The following PADI1 variants were observed in gnomAD, a reference collection of about 807,000 sequenced individuals.
PADI1 encodes the protein peptidyl arginine deiminase 1, also known as protein-arginine deiminase type-1.
Under a neutral mutation model 74.8 loss-of-function variants are expected in PADI1, and 65 were observed. That is an observed-to-expected ratio of 0.87 (90% CI 0.71 to 1.07). The LOEUF is 1.07. Among genes scored for constraint, PADI1 ranks in the 50% least tolerant of loss-of-function variants. PADI1 has a pLI of 0.00. For missense variants in PADI1, 943 were observed against 854.0 expected (o/e 1.10, Z -1.30); for synonymous variants, 371 against 336.2 (o/e 1.10, Z -1.13).
chr1:17,229,377 C>T (rs2072422104), intron 8 of PADI1, among the ~76,000 whole-genome samples: 1 of 152,210 alleles, frequency 6.6e-6, no homozygotes, highest in African/African-American at 2.4e-5. Flanking sequence ...CTGCTGGTGG[C>T]CATCGGAGAC....
At chr1:17,232,754 C>G (rs2072523112) in intron 10 of PADI1, 65 bp from the exon 11 acceptor site, 1 of 1,450,878 alleles carries the variant, frequency 6.9e-7, no homozygotes, top group African/African-American at 1.4e-5. Flanking sequence ...ACTCCAAGAA[C>G]TGCCTCGTCC....
chr1:17,224,615 G>A (rs991122597), intron 4 of PADI1, among the ~76,000 whole-genome samples, 187 bp downstream of exon 4: 3 of 152,136 alleles, frequency 2.0e-5, no homozygotes, highest in Admixed American at 6.5e-5. Flanking sequence ...CCCTGTAACC[G>A]ACATGCTGTG....
rs1362096341 is a variant in PADI1 at position 17,230,685 on chromosome 1, T to A, written c.1161+6T>A. The A allele has an allele frequency of 6.6e-7, 1 of 1,524,780 alleles. No homozygotes were observed. Among genetic ancestry groups the A allele is most frequent in the Admixed American group, 1.7e-5 (1 of 58,470 alleles). The allele number at this position is 1,524,780 out of a possible 1,614,324, so 94.5% of individuals were successfully genotyped here. On this transcript the variant is annotated splice_donor_region_variant and intron_variant, in intron 10 of 15. Coordinates refer to ENST00000375471, the MANE Select transcript of PADI1 (RefSeq NM_013358.3). Reference sequence around the variant, plus strand: ...TCCCCTATAAGAGGATCCTGGTACGTAGCGACAGGTAGAGTGCAGAAACCC... The same window carrying A: ...TCCCCTATAAGAGGATCCTGGTACGAAGCGACAGGTAGAGTGCAGAAACCC...
intron 2 of PADI1, 144 bp downstream of exon 2, chr1:17,222,614 T>C (rs1372293793): frequency 6.1e-6 from 4 of 659,150 alleles, no homozygotes; most frequent in Non-Finnish European, 8.0e-6. Flanking sequence ...ACAAAACGTA[T>C]CCTGATACAA....
intron 1 of PADI1, among the ~76,000 whole-genome samples, chr1:17,215,981 A>G (rs570500391): frequency 1.6e-4 from 24 of 152,308 alleles, no homozygotes; most frequent in African/African-American, 5.8e-4. Context: ...ACAGGCAAGA[A>G]GGGTACATCA....
At chr1:17,225,125 T>G (rs1036026205) in intron 4 of PADI1, among the ~76,000 whole-genome samples, 1 of 152,132 alleles carries the variant, frequency 6.6e-6, no homozygotes, top group Non-Finnish European at 1.5e-5. Flanking sequence ...AAGAGTGCCA[T>G]AAAGGCTAAC....
chr1:17,232,497 T>C (rs2072515359), intron 10 of PADI1, among the ~76,000 whole-genome samples: 1 of 152,244 alleles, frequency 6.6e-6, no homozygotes, highest in South Asian at 2.1e-4. Context: ...AGACAGCAGA[T>C]TTTTATGAAT....
rs1227873294 is a variant in PADI1 at position 17,225,896 on chromosome 1, A to T, written c.494A>T (p.Asp165Val). ...DRDNHRSAEP[D>V]LTHSWLMSLA... ...GACAATCACAGGTCCGCAGAGCCTGACCTCACCCACAGCTGGCTGATGTCG... is the reference window on the plus strand; with the variant it reads ...GACAATCACAGGTCCGCAGAGCCTGTCCTCACCCACAGCTGGCTGATGTCG... The change falls in exon 5 of 16, where the codon GAC (aspartate) becomes GTC (valine). Residue 165 changes from aspartate (D) to valine (V), a missense_variant. Asp to Val is a radical substitution (Grantham distance 152). Transcript: ENST00000375471. The T allele has an allele frequency of 6.2e-7, 1 of 1,613,998 alleles. No individual in the cohort carries two copies. The highest frequency in any genetic ancestry group is 1.1e-5 in the South Asian group (1 of 91,072).
At chr1:17,209,129 G>C (rs1395622026) in intron 1 of PADI1, among the ~76,000 whole-genome samples, 7 of 152,234 alleles carry the variant, frequency 4.6e-5, no homozygotes, top group African/African-American at 1.7e-4. Flanking sequence ...TATGTGTAAT[G>C]TGTACATCGA....
intron 1 of PADI1, among the ~76,000 whole-genome samples, chr1:17,215,277 G>A (rs977332965): frequency 6.6e-6 from 1 of 152,192 alleles, no homozygotes; most frequent in East Asian, 1.9e-4. Context: ...GAGCAAGTTT[G>A]GGGTGGGGAG....
At chr1:17,220,052 C>T (rs1021491124) in intron 1 of PADI1, among the ~76,000 whole-genome samples, 7 of 151,866 alleles carry the variant, frequency 4.6e-5, no homozygotes, top group South Asian at 2.1e-4. Context: ...CTGATGTAAA[C>T]GATGAGGAAG....
rs1446792516 is a variant in PADI1, at chr1:17,223,634, A to G, written c.287A>G (p.Tyr96Cys). 1.2e-6 allele frequency: 2 copies of G among 1,613,714 alleles called. No homozygotes were observed. The highest frequency in any genetic ancestry group is 1.7e-5 in the Admixed American group (1 of 59,990). Residue 96 changes from tyrosine (Y) to cysteine (C), a missense_variant, in exon 3 of 16, where the codon TAC (tyrosine) becomes TGC (cysteine). Coordinates refer to ENST00000375471, the MANE Select transcript of PADI1 (RefSeq NM_013358.3). ...ELKDFKVRVS[Y>C]FGEQEDQALG... is the part of the protein sequence containing the mutation. ...TATGTTCTGCAGGTGAGGGTCTCCT[A>G]CTTTGGGGAGCAGGAAGACCAAGCT...
intron 11 of PADI1, among the ~76,000 whole-genome samples, chr1:17,233,740 A>AC (rs1373644710): frequency 6.6e-6 from 1 of 151,946 alleles, no homozygotes; most frequent in African/African-American, 2.4e-5. Context: ...GCCCCCACTT[A>AC]CCCCCCAAGC....
chr1:17,243,403 T>C (rs537962759), intron 15 of PADI1, among the ~76,000 whole-genome samples: 2 of 152,350 alleles, frequency 1.3e-5, no homozygotes, highest in South Asian at 2.1e-4. Context: ...CAGATCCAAG[T>C]CCAAATGTCA....
In PADI1 at chr1:17,235,764, C is replaced by T. The variant is rs2072627401; in HGVS notation, c.1314-1550C>T. ...CTCTGTCCCAGGCTCCTGCCCCAGT[C>T]TCTATATCACACTGCAACACATGGA... On this transcript the variant is annotated intron_variant, in intron 11 of 15. Transcript: ENST00000375471. Among the ~76,000 whole-genome samples, 3 of 152,142 alleles carry T rather than the reference C, an allele frequency of 2.0e-5. No individual in the cohort carries two copies. In the South Asian group the frequency reaches 6.2e-4, roughly 32 times the overall value.
intron 2 of PADI1, among the ~76,000 whole-genome samples, chr1:17,222,939 A>G (rs1047243256): frequency 8.7e-6 from 1 of 114,494 alleles, no homozygotes; most frequent in Non-Finnish European, 1.7e-5. Flanking sequence ...GTCCCTCCTC[A>G]CTCGCCCCAG....
chr1:17,227,030 T>TAAAA (rs778670380), intron 6 of PADI1, among the ~76,000 whole-genome samples: 1 of 125,610 alleles, frequency 8.0e-6, no homozygotes, highest in Non-Finnish European at 1.7e-5. Flanking sequence ...AGACTCTGTC[T>TAAAA]AAAAAAAAAA....
At chr1:17,229,714 C>T (rs1357374568) in intron 8 of PADI1, among the ~76,000 whole-genome samples, 1 of 152,176 alleles carries the variant, frequency 6.6e-6, no homozygotes, top group Non-Finnish European at 1.5e-5. Flanking sequence ...CTAACCCCAC[C>T]CTGACCCCTT....
intron 3 of PADI1, 39 bp from the exon 4 acceptor site, chr1:17,224,328 T>G: frequency 1.3e-6 from 2 of 1,587,678 alleles, no homozygotes; most frequent in Non-Finnish European, 1.7e-6. Flanking sequence ...AAGATGGGGC[T>G]GGATGAGCCC....
Sources: allele counts gnomAD v4.1 joint callset (sites outside exome capture counted in the v4.1 genomes callset), GRCh38; gene constraint gnomAD v4.1.1; transcripts MANE v1.5; gene names NCBI Gene and HGNC (gene_info 2026-07-23, HGNC 2026-07-21).